The following NCOA7 variants were observed in gnomAD, a reference collection of about 807,000 sequenced individuals.
NCOA7 encodes nuclear receptor coactivator 7, also known as 140 kDa estrogen receptor-associated protein.
Under a neutral mutation model 104.3 loss-of-function variants are expected in NCOA7, and 45 were observed. The observed-to-expected ratio is 0.43, with a 90% CI of 0.34 to 0.55. NCOA7 has a LOEUF of 0.55. Among genes scored for constraint, NCOA7 ranks in the 20% least tolerant of loss-of-function variants. The pLI, the probability that NCOA7 is intolerant of heterozygous loss-of-function variation, is 0.02. For synonymous variants in NCOA7, 398 were observed against 402.3 expected, an observed-to-expected ratio of 0.99 and a Z score of 0.13; for missense variants, 1,041 against 1,119.7, an observed-to-expected ratio of 0.93 and a Z score of 1.00.
At chr6:125,905,459 A>G (rs1379456532) in intron 10 of NCOA7, among the ~76,000 whole-genome samples, 1 of 152,054 alleles carries the variant, frequency 6.6e-6, no homozygotes, top group Non-Finnish European at 1.5e-5. Flanking sequence ...ATGGGGTTTC[A>G]CCATGTTGGC....
intron 10 of NCOA7, among the ~76,000 whole-genome samples, chr6:125,911,215 A>C (rs929903957): frequency 2.6e-5 from 4 of 152,220 alleles, no homozygotes; most frequent in Non-Finnish European, 5.9e-5. Flanking sequence ...TTTATATGGA[A>C]CATGTTCTGC....
At chr6:125,800,410 A>G (rs1775778212) in intron 1 of NCOA7, among the ~76,000 whole-genome samples, 1 of 152,216 alleles carries the variant, frequency 6.6e-6, no homozygotes, top group Non-Finnish European at 1.5e-5. Context: ...AGTACAGAGG[A>G]CATGTTTTTA....
intron 2 of NCOA7, among the ~76,000 whole-genome samples, chr6:125,837,063 A>G (rs1329498405): frequency 6.6e-6 from 1 of 152,336 alleles, no homozygotes; most frequent in African/African-American, 2.4e-5. Flanking sequence ...TTTAAATTAG[A>G]TAAATGTTGA....
intron 11 of NCOA7, chr6:125,919,370 G>T (rs932523659): frequency 7.4e-6 from 12 of 1,612,732 alleles, no homozygotes; most frequent in Non-Finnish European, 8.5e-6. Flanking sequence ...AGAGGCCAAA[G>T]ATTACCCTTG....
intron 7 of NCOA7, among the ~76,000 whole-genome samples, chr6:125,884,700 G>A (rs1489783834): frequency 6.6e-6 from 1 of 152,200 alleles, no homozygotes; most frequent in Non-Finnish European, 1.5e-5. Context: ...CTTTGGCACT[G>A]TAACTCTGAA....
rs141852226 is a variant in NCOA7, at chr6:125,889,611, A to C, written c.1557A>C (p.Lys519Asn). 7.7e-5 allele frequency: 124 copies of C among 1,613,798 alleles called. No homozygotes were observed. Among genetic ancestry groups the C allele is most frequent in the Non-Finnish European group, 1.0e-4 (120 of 1,179,972 alleles). Residue 519 changes from lysine to asparagine, a missense_variant, in exon 9 of 16, where the codon AAA becomes AAC. By Grantham distance (94) the Lys-to-Asn change is moderately conservative. Around this residue, in one of 2 missense-constraint regions of NCOA7, gnomAD observed 914 missense variants for 942.7 expected, o/e 0.97. Transcript: ENST00000392477. ...TGAACATACATGAAGATTTAGATAAAGTTAAACTCATTGAATATTACCTGA... is the reference window on the plus strand; with the variant it reads ...TGAACATACATGAAGATTTAGATAACGTTAAACTCATTGAATATTACCTGA... ...NTLNIHEDLD[K>N]VKLIEYYLTK...
chr6:125,861,763 G>C (rs188899776), intron 3 of NCOA7, among the ~76,000 whole-genome samples: 11 of 152,276 alleles, frequency 7.2e-5, no homozygotes, highest in Admixed American at 7.2e-4. Flanking sequence ...GAAGCTGGGC[G>C]TGGTGGCTCA....
At chr6:125,850,035 G>C (rs1005474128) in intron 2 of NCOA7, among the ~76,000 whole-genome samples, 2 of 152,108 alleles carry the variant, frequency 1.3e-5, no homozygotes, top group Non-Finnish European at 2.9e-5. Flanking sequence ...TCCGTATTGT[G>C]AGACTATCTT....
chr6:125,836,863 G>T lies in NCOA7; in HGVS notation c.51-18157G>T, dbSNP rs970702221. On this transcript the variant is annotated intron_variant, in intron 2 of 15. Coordinates refer to ENST00000392477, the MANE Select transcript of NCOA7 (RefSeq NM_181782.5). ...TTGGTAAAGTCTGCTACTGGAGAGG[G>T]TGCTTGATAACTTAGTTAATTTCAT... 5.3e-5 allele frequency among the ~76,000 whole-genome samples: 8 copies of T among 152,264 alleles called. No individual in the cohort carries two copies. The East Asian group carries it at 1.4e-3, about 26-fold the overall frequency.
intron 3 of NCOA7, among the ~76,000 whole-genome samples, chr6:125,862,010 C>T (rs1397688382): frequency 2.6e-5 from 3 of 114,432 alleles, no homozygotes; most frequent in Admixed American, 1.8e-4. Flanking sequence ...GCACTCCAGC[C>T]TGGGCAACAA....
At chr6:125,928,144 C>G (rs1165218697) in intron 14 of NCOA7, 30 bp from the exon 15 acceptor site, 2 of 1,564,818 alleles carry the variant, frequency 1.3e-6, no homozygotes, top group Non-Finnish European at 1.8e-6. Flanking sequence ...ATTAAAATGT[C>G]TGTTTTCTTT....
intron 3 of NCOA7, among the ~76,000 whole-genome samples, chr6:125,860,284 A>G (rs1781929206): frequency 6.6e-6 from 1 of 152,204 alleles, no homozygotes; most frequent in Non-Finnish European, 1.5e-5. Context: ...GTATTAAAAG[A>G]TGTTTGGTCT....
intron 8 of NCOA7, 104 bp from the exon 9 acceptor site, chr6:125,888,835 T>C (rs953509155): frequency 7.0e-6 from 5 of 715,774 alleles, no homozygotes; most frequent in Middle Eastern, 2.6e-4. Flanking sequence ...TATTTATGTA[T>C]TGGTTTTTGG....
At chr6:125,786,816 T>G (rs1183622771), upstream of NCOA7, among the ~76,000 whole-genome samples, 1 of 152,112 alleles carries the variant, frequency 6.6e-6, no homozygotes, top group Non-Finnish European at 1.5e-5. Flanking sequence ...CCTCAAGTGA[T>G]CCACCCTCCT....
At chr6:125,913,103 G>C (rs895275247) in intron 10 of NCOA7, among the ~76,000 whole-genome samples, 2 of 152,108 alleles carry the variant, frequency 1.3e-5, no homozygotes, top group African/African-American at 4.8e-5. Context: ...TAGCCTTTCA[G>C]AGTAGTTTAT....
At chr6:125,907,441 G>T (rs1296454394) in intron 10 of NCOA7, among the ~76,000 whole-genome samples, 1 of 152,194 alleles carries the variant, frequency 6.6e-6, no homozygotes, top group African/African-American at 2.4e-5. Context: ...GGCTGGCTCC[G>T]GTGGTGCTGT....
chr6:125,881,335 A>T (rs999997797), intron 6 of NCOA7, 132 bp downstream of exon 6: 4 of 714,394 alleles, frequency 5.6e-6, no homozygotes, highest in Admixed American at 2.3e-5. Flanking sequence ...TAATTGGAGA[A>T]TGCATCCTCT....
intron 6 of NCOA7, among the ~76,000 whole-genome samples, chr6:125,881,689 A>G (rs1032873038): frequency 1.1e-4 from 14 of 129,544 alleles, no homozygotes; most frequent in Non-Finnish European, 1.5e-4. Flanking sequence ...AAAAAAAAAA[A>G]AGGCAAAAAT....
intron 1 of NCOA7, among the ~76,000 whole-genome samples, chr6:125,799,589 A>G (rs1182060971): frequency 6.6e-6 from 1 of 151,852 alleles, no homozygotes; most frequent in East Asian, 1.9e-4. Flanking sequence ...ATAGGCATGC[A>G]CCACCACGCC....
Sources: gnomAD v4.1 joint callset for allele counts (sites outside exome capture counted in the v4.1 genomes callset) on GRCh38, gnomAD v4.1.1 for gene constraint, gnomAD v4.1.1 regional missense constraint, MANE v1.5 for transcripts, NCBI Gene and HGNC (gene_info 2026-07-23, HGNC 2026-07-21) for gene names.